The following TACR1 variants were observed in gnomAD, a reference collection of about 807,000 sequenced individuals.
The protein encoded by TACR1 is substance-P receptor.
A neutral mutation model predicts 35.8 loss-of-function variants in TACR1; 25 were observed. That is an observed-to-expected ratio of 0.70 (90% CI 0.51 to 0.98). TACR1 has a LOEUF of 0.98. Among genes scored for constraint, TACR1 ranks in the 50% least tolerant of loss-of-function variants. The probability of loss-of-function intolerance (pLI) is 0.00; values close to 1 mark genes in which losing one functional copy is unlikely to be tolerated. For missense variants in TACR1, 478 were observed against 522.9 expected (o/e 0.91, Z 0.84); for synonymous variants, 195 against 206.7 (o/e 0.94, Z 0.48).
At chr2:75,175,245 G>C (rs1035508839) in intron 1 of TACR1, among the ~76,000 whole-genome samples, 1 of 152,208 alleles carries the variant, frequency 6.6e-6, no homozygotes, top group African/African-American at 2.4e-5. Flanking sequence ...ATGTCCTGCA[G>C]TGAGTGGTAT....
At chr2:75,154,636 C>T (rs1177524463) in intron 1 of TACR1, 2 of 152,360 alleles carry the variant, frequency 1.3e-5, no homozygotes, top group African/African-American at 2.4e-5. Context: ...GAGGGTTTCC[C>T]AGCTATCATT....
rs138261112 is a variant in TACR1 at position 75,055,420 on chromosome 2, C to T, written c.585-1665G>A. Among the ~76,000 whole-genome samples, 364 of 152,314 alleles carry T rather than the reference C, an allele frequency of 2.4e-3. 3 individuals are homozygous for T. The highest frequency in any genetic ancestry group is 8.1e-3 in the African/African-American group (338 of 41,562). On this transcript the variant is annotated intron_variant, in intron 2 of 4. Transcript: ENST00000305249. ...TCTGAATTGTCGCCTCCTTTGGGAG[C>T]CTCAGGGCTCTCCAACCACTATGGC...
At chr2:75,052,976 A>G (rs1672497316) in intron 3 of TACR1, among the ~76,000 whole-genome samples, 2 of 152,188 alleles carry the variant, frequency 1.3e-5, no homozygotes, top group Non-Finnish European at 1.5e-5. Context: ...ACCATACCAC[A>G]TTATCAAAAC....
intron 2 of TACR1, among the ~76,000 whole-genome samples, chr2:75,111,082 T>C (rs1272546528): frequency 6.6e-6 from 1 of 152,024 alleles, no homozygotes; most frequent in African/African-American, 2.4e-5. Flanking sequence ...TAAGTTGCAG[T>C]CCTCTATGTT....
chr2:75,165,805 A>G (rs1286018358), intron 1 of TACR1, among the ~76,000 whole-genome samples: 1 of 152,104 alleles, frequency 6.6e-6, no homozygotes, highest in African/African-American at 2.4e-5. Context: ...AATGCCCAAC[A>G]GTGGAGGCAG....
chr2:75,121,498 C>T (rs1160961499), intron 1 of TACR1, among the ~76,000 whole-genome samples: 1 of 152,172 alleles, frequency 6.6e-6, no homozygotes, highest in Non-Finnish European at 1.5e-5. Flanking sequence ...TGGAGCCATT[C>T]CTCCATCGCT....
chr2:75,082,198 G>T (rs1378522923), intron 2 of TACR1, among the ~76,000 whole-genome samples: 1 of 152,076 alleles, frequency 6.6e-6, no homozygotes, highest in Non-Finnish European at 1.5e-5. Flanking sequence ...GTGATAGTTT[G>T]CTGAGAGTGA....
At chr2:75,186,371 C>CAAAA (rs373147504) in intron 1 of TACR1, among the ~76,000 whole-genome samples, 2,535 of 80,200 alleles carry the variant, frequency 0.032, 93 homozygotes, top group Non-Finnish European at 0.045. Context: ...GACTCTGTCT[C>CAAAA]AAAAAAAAAA....
chr2:75,163,051 G>A (rs768062073), intron 1 of TACR1, among the ~76,000 whole-genome samples: 3 of 152,170 alleles, frequency 2.0e-5, no homozygotes, highest in Non-Finnish European at 4.4e-5. Context: ...CCACTTCCTG[G>A]CTAAGGCAGT....
chr2:75,150,587 T>G (rs575637083), intron 1 of TACR1, among the ~76,000 whole-genome samples: 1 of 148,034 alleles, frequency 6.8e-6, no homozygotes, highest in African/African-American at 2.5e-5. Context: ...CCCAGCCATG[T>G]AGAACTGTAA....
rs564884585 is a variant in TACR1 at position 75,172,797 on chromosome 2, AT to A, written c.389+25748del. Reference sequence around the variant, plus strand: ...GAGGCTAGAAGTCCAAGGTCCAGAAATTGGCAGAGTTGGTTCCTTCAGAGGG... The same window carrying A: ...GAGGCTAGAAGTCCAAGGTCCAGAAATGGCAGAGTTGGTTCCTTCAGAGGG... On this transcript the variant is annotated intron_variant, in intron 1 of 4. Transcript: ENST00000305249. Among the ~76,000 whole-genome samples, 13 of 152,254 alleles carry A rather than the reference AT, an allele frequency of 8.5e-5. No individual in the cohort carries two copies. The East Asian group carries it at 2.3e-3, about 27-fold the overall frequency.
At chr2:75,088,046 T>G (rs897445657) in intron 2 of TACR1, among the ~76,000 whole-genome samples, 2 of 152,228 alleles carry the variant, frequency 1.3e-5, no homozygotes, top group Non-Finnish European at 2.9e-5. Context: ...TCGGTCCTCA[T>G]TTCTCTAGCT....
chr2:75,082,975 G>C (rs528633919), intron 2 of TACR1, among the ~76,000 whole-genome samples: 1,770 of 152,194 alleles, frequency 0.012, 21 homozygotes, highest in African/African-American at 0.04. Flanking sequence ...ATTGCTTTTG[G>C]TGTTTTAGTC....
intron 2 of TACR1, among the ~76,000 whole-genome samples, chr2:75,105,443 G>A (rs372478380): frequency 6.6e-5 from 10 of 151,970 alleles, no homozygotes; most frequent in African/African-American, 2.4e-4. Flanking sequence ...ATAAGTTGCA[G>A]CAATCTATTG....
intron 2 of TACR1, among the ~76,000 whole-genome samples, chr2:75,073,465 G>A (rs1482165157): frequency 6.6e-6 from 1 of 152,236 alleles, no homozygotes; most frequent in African/African-American, 2.4e-5. Context: ...CATACATGAG[G>A]TTGGAATTGG....
At chr2:75,137,848 C>G (rs1674330424) in intron 1 of TACR1, among the ~76,000 whole-genome samples, 1 of 151,452 alleles carries the variant, frequency 6.6e-6, no homozygotes, top group Middle Eastern at 3.4e-3. Flanking sequence ...TTTGTTGTTC[C>G]TATACTCATC....
chr2:75,166,163 T>A (rs1290815598), intron 1 of TACR1, among the ~76,000 whole-genome samples: 1 of 152,230 alleles, frequency 6.6e-6, no homozygotes, highest in East Asian at 1.9e-4. Context: ...AAACATTCAT[T>A]ATTTAATAAA....
At chr2:75,100,554 G>C (rs1673516911) in intron 2 of TACR1, among the ~76,000 whole-genome samples, 1 of 152,084 alleles carries the variant, frequency 6.6e-6, no homozygotes. Context: ...ATGACTCTGT[G>C]GTAATGAATG....
intron 2 of TACR1, among the ~76,000 whole-genome samples, chr2:75,083,322 A>G (rs1406061424): frequency 9.9e-5 from 15 of 152,148 alleles, no homozygotes. Flanking sequence ...TGTTTTGGTT[A>G]CTGTAGCCTT....
Sources: gnomAD v4.1 joint callset for allele counts (sites outside exome capture counted in the v4.1 genomes callset) on GRCh38, gnomAD v4.1.1 for gene constraint, MANE v1.5 for transcripts, NCBI Gene and HGNC (gene_info 2026-07-23, HGNC 2026-07-21) for gene names.